Variants in KCNC1 observed in about 807,000 individuals in gnomAD.
KCNC1 encodes potassium voltage-gated channel subfamily C member 1, also known as voltage-gated potassium channel KCNC1.
A neutral mutation model predicts 43.4 loss-of-function variants in KCNC1; 8 were observed. That is an observed-to-expected ratio of 0.18 (90% CI 0.11 to 0.33). The LOEUF (loss-of-function observed/expected upper bound fraction) is 0.33. KCNC1 is among the 10% of genes least tolerant of loss of function. KCNC1 has a pLI of 1.00. For synonymous variants in KCNC1, 361 were observed against 360.5 expected (o/e 1.00, Z -0.01); for missense variants, 420 against 836.0 (o/e 0.50, Z 6.14).
At position 17,739,077 on chromosome 11, in the gene KCNC1, T is replaced by C. The variant is rs151163595; in HGVS notation, c.570+2505T>C. ...CTGCGCTGCCTCTCTGCGGCTCATCTGCGCACAGACCAGCCGCCTGCCCGC... is the reference window on the plus strand; with the variant it reads ...CTGCGCTGCCTCTCTGCGGCTCATCCGCGCACAGACCAGCCGCCTGCCCGC... On this transcript the variant is annotated intron_variant, in intron 1 of 3. Transcript: ENST00000265969. This position sits in a 1 kb window ranked among gnomAD's most constrained non-coding sequence, Gnocchi z 4.2. Among the ~76,000 whole-genome samples, 1,421 of 152,324 alleles carry C rather than the reference T, an allele frequency of 9.3e-3. 17 individuals are homozygous for C. The highest frequency in any genetic ancestry group is 0.013 in the Non-Finnish European group (861 of 68,022).
At chr11:17,737,164 C>G (rs957183187) in intron 1 of KCNC1, among the ~76,000 whole-genome samples, 1 of 151,992 alleles carries the variant, frequency 6.6e-6, no homozygotes, top group Non-Finnish European at 1.5e-5. Context: ...GTCAAGAGGG[C>G]ATCTCCATGG....
intron 1 of KCNC1, among the ~76,000 whole-genome samples, chr11:17,767,296 A>AAAAAAG (rs1554990950): frequency 1.4e-4 from 18 of 130,198 alleles, no homozygotes; most frequent in East Asian, 3.9e-4. Flanking sequence ...AAAAAAAAAA[A>AAAAAAG]AAAAGAAAAG....
chr11:17,741,040 A>G (rs1848835067), intron 1 of KCNC1, among the ~76,000 whole-genome samples: 1 of 151,718 alleles, frequency 6.6e-6, no homozygotes, highest in African/African-American at 2.4e-5. Context: ...CCACTCCCCC[A>G]GGCCAGGGCC....
rs971583881 is a variant in KCNC1 at position 17,751,189 on chromosome 11, G to C, written c.570+14617G>C. On this transcript the variant is annotated intron_variant, in intron 1 of 3. Transcript: ENST00000265969. ...TTTTGAAAATAAATCAAGAAGGTCA[G>C]CTAGAGCCATGCCAGTGTTCCTTCT... Among the ~76,000 whole-genome samples, 9 of 152,212 alleles carry C rather than the reference G, an allele frequency of 5.9e-5. 1 individual carries two copies. In the South Asian group the frequency reaches 1.7e-3, roughly 28 times the overall value.
intron 2 of KCNC1, chr11:17,774,171 C>T: frequency 1.0e-6 from 1 of 985,552 alleles, no homozygotes; most frequent in Non-Finnish European, 1.2e-6. Context: ...AGGAACATGG[C>T]CAGGGGTCTC....
rs181984109 is a variant in KCNC1 at position 17,767,267 on chromosome 11, A to G, written c.571-4398A>G. 6.5e-3 allele frequency among the ~76,000 whole-genome samples: 967 copies of G among 149,620 alleles called. 7 individuals carry two copies. The highest frequency in any genetic ancestry group is 0.011 in the Non-Finnish European group (724 of 67,478). ...GCCACTGCACTGCAGCCTGTGTGACAGAGCAAGACTCCGTCTCAAAAAAAA... is the reference window on the plus strand; with the variant it reads ...GCCACTGCACTGCAGCCTGTGTGACGGAGCAAGACTCCGTCTCAAAAAAAA... On this transcript the variant is annotated intron_variant, in intron 1 of 3. Coordinates refer to ENST00000265969, the MANE Select transcript of KCNC1 (RefSeq NM_001112741.2).
rs1352746190 is a variant in KCNC1, at chr11:17,762,590, C to T, written c.571-9075C>T. ...CTGCCGTTTCTGCTCCAGCCACTAC[C>T]TCCTCTGATGAGACTCCAGCTGCTT... On this transcript the variant is annotated intron_variant, in intron 1 of 3. Transcript: ENST00000265969. Among the ~76,000 whole-genome samples, 6 of 152,354 alleles carry T rather than the reference C, an allele frequency of 3.9e-5. No individual in the cohort carries two copies. In the East Asian group the frequency reaches 1.2e-3, roughly 29 times the overall value.
rs1440227475 is a variant in KCNC1, at chr11:17,782,475, G to A, written c.*741G>A. ...CTAGGTTGATTCTCTCATCTTATCG[G>A]TGTGTAGATCCAGTGTGACCAACTT... On this transcript the variant is annotated 3_prime_UTR_variant, in exon 4 of 4. Coordinates refer to ENST00000265969, the MANE Select transcript of KCNC1 (RefSeq NM_001112741.2). 6.6e-6 allele frequency: 1 copy of A among 152,170 alleles called. No individual in the cohort carries two copies. The highest frequency in any genetic ancestry group is 1.5e-5 in the Non-Finnish European group (1 of 68,038). 9.4% of individuals were successfully genotyped at this position (152,170 alleles called of 1,614,324 possible). A position where few individuals can be genotyped will look rare whatever the true frequency, so the allele number is the denominator to read the frequency against.
rs1486875212 is a variant in KCNC1, at chr11:17,742,997, C to A, written c.570+6425C>A. ...TGAGACCTTCTCACGTCAGCCAACC[C>A]AGACTTGACCCAAATCCTTAGGATT... On this transcript the variant is annotated intron_variant, in intron 1 of 3. Coordinates refer to ENST00000265969, the MANE Select transcript of KCNC1 (RefSeq NM_001112741.2). This position sits in a 1 kb window ranked among gnomAD's most constrained non-coding sequence, Gnocchi z 4.2. Among the ~76,000 whole-genome samples the A allele has an allele frequency of 6.6e-6, 1 of 152,206 alleles. No homozygotes were observed. The highest frequency in any genetic ancestry group is 2.4e-5 in the African/African-American group (1 of 41,448).
At chr11:17,760,372 C>T (rs1849064298) in intron 1 of KCNC1, among the ~76,000 whole-genome samples, 1 of 152,150 alleles carries the variant, frequency 6.6e-6, no homozygotes, top group Non-Finnish European at 1.5e-5. Flanking sequence ...CACGTGGGAT[C>T]CTGGTATTGC....
At chr11:17,744,738 C>T (rs1848878675) in intron 1 of KCNC1, among the ~76,000 whole-genome samples, 1 of 151,948 alleles carries the variant, frequency 6.6e-6, no homozygotes, top group African/African-American at 2.4e-5. Flanking sequence ...GGGTGCTGTG[C>T]TGGAAGGGCC....
At chr11:17,757,213 GCCA>G (rs79620237) in intron 1 of KCNC1, among the ~76,000 whole-genome samples, 79,657 of 151,722 alleles carry the variant, frequency 0.53, 23,067 homozygotes, top group East Asian at 0.88. Flanking sequence ...CATCCATTTA[GCCA>G]CACACAGTGA....
chr11:17,773,066 G>T lies in KCNC1; in HGVS notation c.1504+468G>T. On this transcript the variant is annotated intron_variant, in intron 2 of 3. Transcript: ENST00000265969. The surrounding 1 kb of genome is among the most constrained non-coding windows in gnomAD (Gnocchi z 4.1). ...TCAGGCTGTGTAGATGGCAGAGATG[G>T]TGCATGGGATCTGGGCAGGAGGGTC... The T allele has an allele frequency of 9.9e-7, 1 of 1,008,146 alleles. No homozygotes were observed. The highest frequency in any genetic ancestry group is 5.2e-5 in the Admixed American group (1 of 19,178). The allele number at this position is 1,008,146 out of a possible 1,614,324, so 62.5% of individuals were successfully genotyped here. A position where few individuals can be genotyped will look rare whatever the true frequency, so the allele number is the denominator to read the frequency against.
At chr11:17,738,833 G>C (rs974095964) in intron 1 of KCNC1, among the ~76,000 whole-genome samples, 2 of 152,174 alleles carry the variant, frequency 1.3e-5, no homozygotes, top group Admixed American at 1.3e-4. Context: ...GGATAGGAGC[G>C]GGTGCTAGTG....
chr11:17,773,468 G>A lies in KCNC1; in HGVS notation c.1504+870G>A. On this transcript the variant is annotated intron_variant, in intron 2 of 3. Coordinates refer to ENST00000265969, the MANE Select transcript of KCNC1 (RefSeq NM_001112741.2). The surrounding 1 kb of genome is among the most constrained non-coding windows in gnomAD (Gnocchi z 4.1). Reference sequence around the variant, plus strand: ...AGACCAGCAACAGCCTCCCACCGAGGGTTCTCCCCGTTTCCAGCGGTAGGG... The same window carrying A: ...AGACCAGCAACAGCCTCCCACCGAGAGTTCTCCCCGTTTCCAGCGGTAGGG... 2 of 984,966 alleles carry A rather than the reference G, an allele frequency of 2.0e-6. No homozygotes were observed. Among genetic ancestry groups the A allele is most frequent in the South Asian group, 9.4e-5 (2 of 21,200 alleles). 61.0% of individuals were successfully genotyped at this position (984,966 alleles called of 1,614,324 possible).
rs1554991429 is a variant in KCNC1, at chr11:17,772,534, C to T, written c.1440C>T (p.His480=). The change falls in exon 2 of 4, where the codon CAC becomes CAT. Residue 480 remains histidine, a synonymous_variant. Transcript: ENST00000265969. Reference sequence around the variant, plus strand: ...GTAAATCTGTCGTAAACTCTCCACACCACAGTACTCAGAGTGACACATGTC... The same window carrying T: ...GTAAATCTGTCGTAAACTCTCCACATCACAGTACTCAGAGTGACACATGTC... ...NYCKSVVNSP[H]HSTQSDTCPL... is the part of the protein sequence containing the mutation. The T allele has an allele frequency of 4.3e-6, 7 of 1,614,210 alleles. No individual in the cohort carries two copies. The highest frequency in any genetic ancestry group is 5.9e-6 in the Non-Finnish European group (7 of 1,180,044).
intron 1 of KCNC1, among the ~76,000 whole-genome samples, chr11:17,770,873 T>C (rs1590106027): frequency 6.6e-6 from 1 of 152,264 alleles, no homozygotes; most frequent in South Asian, 2.1e-4. Flanking sequence ...ATGGTGCCTT[T>C]GGGGATCCCT....
chr11:17,778,087 T>C (rs986666609), intron 2 of KCNC1, among the ~76,000 whole-genome samples: 3 of 152,170 alleles, frequency 2.0e-5, no homozygotes, highest in African/African-American at 7.2e-5. Context: ...TGCTTGAGGC[T>C]GTCACCCTAG....
At position 17,782,468 on chromosome 11, in the gene KCNC1, C is replaced by T. The variant is rs1235615861; in HGVS notation, c.*734C>T. On this transcript the variant is annotated 3_prime_UTR_variant, in exon 4 of 4. Coordinates refer to ENST00000265969, the MANE Select transcript of KCNC1 (RefSeq NM_001112741.2). ...AGCTAGTCTAGGTTGATTCTCTCATCTTATCGGTGTGTAGATCCAGTGTGA... is the reference window on the plus strand; with the variant it reads ...AGCTAGTCTAGGTTGATTCTCTCATTTTATCGGTGTGTAGATCCAGTGTGA... 6.6e-6 allele frequency: 1 copy of T among 152,188 alleles called. No individual in the cohort carries two copies. The highest frequency in any genetic ancestry group is 1.5e-5 in the Non-Finnish European group (1 of 68,032). The allele number at this position is 152,188 out of a possible 1,614,324, so 9.4% of individuals were successfully genotyped here.
Sources: gnomAD v4.1 joint callset for allele counts (sites outside exome capture counted in the v4.1 genomes callset) on GRCh38, gnomAD v4.1.1 for gene constraint, Gnocchi (gnomAD v3.1) non-coding constraint, MANE v1.5 for transcripts, NCBI Gene and HGNC (gene_info 2026-07-23, HGNC 2026-07-21) for gene names.